The following GRAMD1A variants were observed in gnomAD, a reference collection of about 807,000 sequenced individuals.
The protein encoded by GRAMD1A is protein Aster-A.
A neutral mutation model predicts 92.0 loss-of-function variants in GRAMD1A; 50 were observed. That is an observed-to-expected ratio of 0.54 (90% CI 0.43 to 0.69). GRAMD1A has a LOEUF of 0.69. GRAMD1A is among the 30% of genes least tolerant of loss of function. The pLI is 0.00. For missense variants in GRAMD1A, 819 were observed against 978.9 expected (o/e 0.84, Z 2.18); for synonymous variants, 405 against 403.6 (o/e 1.00, Z -0.04).
chr19:35,010,227 G>A (rs572279113), intron 5 of GRAMD1A, 32 bp downstream of exon 5: 19 of 1,590,146 alleles, frequency 1.2e-5, no homozygotes, highest in East Asian at 2.2e-5. Context: ...GTACAGGGGC[G>A]GGGGCCCCCA....
upstream of GRAMD1A, among the ~76,000 whole-genome samples, chr19:34,995,595 T>TG: frequency 6.7e-6 from 1 of 148,602 alleles, no homozygotes; most frequent in South Asian, 2.2e-4. Context: ...TTTTTTTTTT[T>TG]TTCTGAGACA....
chr19:35,016,191 G>A (rs1418771554), intron 11 of GRAMD1A, among the ~76,000 whole-genome samples: 1 of 152,174 alleles, frequency 6.6e-6, no homozygotes, highest in Non-Finnish European at 1.5e-5. Context: ...TGTATAATGG[G>A]GGTATGATAA....
At position 35,021,695 on chromosome 19, in the gene GRAMD1A, A is replaced by G; in HGVS notation, c.1584A>G (p.Arg528=). ...GIEDYFHHLE[R]ELAKAEKLSL... ...AGCCCCCTCTCTTTTACGCAGAGCG[A>G]GAGCTCGCCAAGGCTGAGAAGCTGT... is the stretch of plus-strand genomic sequence containing the variant. Residue 528 remains arginine (R), a synonymous_variant, in exon 15 of 20, where the codon CGA becomes CGG. Coordinates refer to ENST00000317991, the MANE Select transcript of GRAMD1A (RefSeq NM_020895.5). This position sits in a 1 kb window ranked among gnomAD's most constrained non-coding sequence, Gnocchi z 5.3. The G allele has an allele frequency of 6.2e-7, 1 of 1,614,058 alleles. No homozygotes were observed. Among genetic ancestry groups the G allele is most frequent in the Non-Finnish European group, 8.5e-7 (1 of 1,180,006 alleles).
At chr19:35,016,110 A>G in intron 11 of GRAMD1A, 143 bp downstream of exon 11, 1 of 854,264 alleles carries the variant, frequency 1.2e-6, no homozygotes, top group Non-Finnish European at 1.8e-6. Context: ...GACCAGAAGC[A>G]GCTCTGCCAC....
intron 16 of GRAMD1A, 62 bp downstream of exon 16, chr19:35,022,100 T>C (rs1246326704): frequency 4.0e-6 from 5 of 1,252,010 alleles, no homozygotes; most frequent in South Asian, 1.3e-5. Context: ...CTGTGTGACC[T>C]TGGGCAAGTG....
chr19:35,026,285 C>A lies in GRAMD1A; in HGVS notation c.*144C>A, dbSNP rs2016432853. 1.6e-6 allele frequency: 1 copy of A among 613,156 alleles called. No individual in the cohort carries two copies. The highest frequency in any genetic ancestry group is 2.7e-5 in the Admixed American group (1 of 37,496). 38.0% of individuals were successfully genotyped at this position (613,156 alleles called of 1,614,324 possible). On this transcript the variant is annotated 3_prime_UTR_variant, in exon 20 of 20. Coordinates refer to ENST00000317991, the MANE Select transcript of GRAMD1A (RefSeq NM_020895.5). ...ACCAGGGGCTGTGCAGACGTGGGGACCACGGAACCGAGATGCACTTTAGAC... is the reference window on the plus strand; with the variant it reads ...ACCAGGGGCTGTGCAGACGTGGGGAACACGGAACCGAGATGCACTTTAGAC...
chr19:35,000,024 T>G, upstream of GRAMD1A: 1 of 983,952 alleles, frequency 1.0e-6, no homozygotes, highest in Non-Finnish European at 1.2e-6. The surrounding 1 kb of genome is among the most constrained non-coding windows in gnomAD (Gnocchi z 4.9). Context: ...GCCAGGGGCA[T>G]AGTAGTTGCT....
At chr19:34,996,312 C>T (rs1440565923), upstream of GRAMD1A, 1 of 1,485,892 alleles carries the variant, frequency 6.7e-7, no homozygotes. Context: ...GGCAGTGGGA[C>T]AGGAAAGAGG....
At chr19:34,999,980 T>C, upstream of GRAMD1A, 1 of 984,812 alleles carries the variant, frequency 1.0e-6, no homozygotes, top group Non-Finnish European at 1.2e-6. Context: ...GCCCCGGCTC[T>C]CAGGTTCCTC....
intron 6 of GRAMD1A, 97 bp from the exon 7 acceptor site, chr19:35,011,377 G>T (rs2015224574): frequency 1.1e-6 from 1 of 877,788 alleles, no homozygotes; most frequent in Non-Finnish European, 1.9e-6. Flanking sequence ...TGGGGCCAAA[G>T]ATGTGGCGTC....
At chr19:34,997,896 C>T (rs1191476941), upstream of GRAMD1A, among the ~76,000 whole-genome samples, 1 of 151,792 alleles carries the variant, frequency 6.6e-6, no homozygotes, top group Non-Finnish European at 1.5e-5. Context: ...AGTGAAACCC[C>T]ATCTCTACTA....
chr19:35,009,877 A>C lies in GRAMD1A; in HGVS notation c.241-11A>C. 1.3e-6 allele frequency: 2 copies of C among 1,579,024 alleles called. No homozygotes were observed. The highest frequency in any genetic ancestry group is 1.7e-6 in the Non-Finnish European group (2 of 1,148,136). ...CCCCCATCCAGGTTCTCACCTCTCA[A>C]ACTTCCTCAGATGCTGAGCCCCACT... is the stretch of plus-strand genomic sequence containing the variant. On this transcript the variant is annotated splice_polypyrimidine_tract_variant and intron_variant, in intron 3 of 19. Coordinates refer to ENST00000317991, the MANE Select transcript of GRAMD1A (RefSeq NM_020895.5).
chr19:35,005,561 G>A (rs890405047), intron 1 of GRAMD1A, among the ~76,000 whole-genome samples: 33 of 152,164 alleles, frequency 2.2e-4, no homozygotes, highest in African/African-American at 8.0e-4. Context: ...GTATGGGCAG[G>A]GATGGGAACA....
chr19:35,022,768 T>G, intron 16 of GRAMD1A, 132 bp from the exon 17 acceptor site: 1 of 712,522 alleles, frequency 1.4e-6, no homozygotes, highest in Non-Finnish European at 2.0e-6. Flanking sequence ...GAGCCTCAGC[T>G]CTCAGCTCTC....
rs2015368813 is a variant in GRAMD1A, at chr19:35,013,225, T to C, written c.607-31T>C. 1 of 1,232,362 alleles carries C rather than the reference T, an allele frequency of 8.1e-7. No homozygotes were observed. The highest frequency in any genetic ancestry group is 1.5e-5 in the African/African-American group (1 of 67,008). 76.3% of individuals were successfully genotyped at this position (1,232,362 alleles called of 1,614,324 possible). On this transcript the variant is annotated intron_variant, in intron 7 of 19. Transcript: ENST00000317991. The surrounding 1 kb of genome is among the most constrained non-coding windows in gnomAD (Gnocchi z 4.9). ...GGGCCGGGCTCTGGCTGGGGTGAGA[T>C]GGAGGCCAACCCCAGGTCCCGCCTC...
rs1285752787 is a variant in GRAMD1A, at chr19:35,000,599, G to A, written c.8+113G>A. The stretch of plus-strand genomic sequence containing the variant: ...GGAGCGGCCGCTGCAGAGGTCGGGG[G>A]CCTCTGCACATGGCTCTGGCCGGGG... On this transcript the variant is annotated intron_variant, in intron 1 of 19. Coordinates refer to ENST00000317991, the MANE Select transcript of GRAMD1A (RefSeq NM_020895.5). The surrounding 1 kb of genome is among the most constrained non-coding windows in gnomAD (Gnocchi z 4.9). 7 of 500,778 alleles carry A rather than the reference G, an allele frequency of 1.4e-5. No homozygotes were observed. The highest frequency in any genetic ancestry group is 6.4e-5 in the African/African-American group (3 of 47,194). 31.0% of individuals were successfully genotyped at this position (500,778 alleles called of 1,614,324 possible). A position where few individuals can be genotyped will look rare whatever the true frequency, so the allele number is the denominator to read the frequency against.
At chr19:35,023,675 G>A (rs78484127) in intron 19 of GRAMD1A, 128 bp downstream of exon 19, 134,005 of 865,732 alleles carry the variant, frequency 0.15, 10,895 homozygotes, top group Middle Eastern at 0.21. Context: ...TGAGGAAGCC[G>A]CTCAGAGTCC....
chr19:35,025,594 G>A (rs1035884400), intron 19 of GRAMD1A, among the ~76,000 whole-genome samples: 1 of 152,178 alleles, frequency 6.6e-6, no homozygotes, highest in African/African-American at 2.4e-5. Flanking sequence ...CCAGAGGTTC[G>A]AGGAGCTCAG....
intron 13 of GRAMD1A, among the ~76,000 whole-genome samples, chr19:35,020,925 G>A (rs962483782): frequency 6.6e-6 from 1 of 152,170 alleles, no homozygotes; most frequent in Non-Finnish European, 1.5e-5. Context: ...GGAAATGGAG[G>A]GGGAAGAGTT....
Sources: gnomAD v4.1 joint callset for allele counts (sites outside exome capture counted in the v4.1 genomes callset) on GRCh38, gnomAD v4.1.1 for gene constraint, Gnocchi (gnomAD v3.1) non-coding constraint, MANE v1.5 for transcripts, NCBI Gene and HGNC (gene_info 2026-07-23, HGNC 2026-07-21) for gene names.